Variants in ZNF385B observed in about 807,000 individuals in gnomAD.
ZNF385B encodes the protein zinc finger protein 385B, also known as zinc finger protein 533.
Under a neutral mutation model 39.2 loss-of-function variants are expected in ZNF385B, and 23 were observed. The ratio of observed to expected loss-of-function variants is 0.59; its 90% CI spans 0.42 to 0.83. The LOEUF (loss-of-function observed/expected upper bound fraction) is 0.83. ZNF385B is among the 40% of genes least tolerant of loss of function. ZNF385B has a pLI of 0.00. For missense variants in ZNF385B, 552 were observed against 598.9 expected, an observed-to-expected ratio of 0.92 and a Z score of 0.82; for synonymous variants, 205 against 222.6, an observed-to-expected ratio of 0.92 and a Z score of 0.70.
In ZNF385B at chr2:179,587,611, G is replaced by C. The variant is rs746122186; in HGVS notation, c.299-42642C>G. ...ACAAGCTGCATTTTAATAATGCAGA[G>C]ACTATCTCAGATGGAGGCTAATTTC... On this transcript the variant is annotated intron_variant, in intron 3 of 9. Transcript: ENST00000410066. Among the ~76,000 whole-genome samples, 3 of 152,308 alleles carry C rather than the reference G, an allele frequency of 2.0e-5. No individual in the cohort carries two copies. In the East Asian group the frequency reaches 5.8e-4, roughly 29 times the overall value.
intron 6 of ZNF385B, among the ~76,000 whole-genome samples, chr2:179,471,362 C>G (rs1335800406): frequency 6.6e-6 from 1 of 152,190 alleles, no homozygotes; most frequent in South Asian, 2.1e-4. Context: ...TCTTGTCACA[C>G]TAAACAGGAG....
intron 5 of ZNF385B, among the ~76,000 whole-genome samples, chr2:179,508,402 G>A (rs2057412866): frequency 6.6e-6 from 1 of 152,132 alleles, no homozygotes; most frequent in African/African-American, 2.4e-5. Context: ...TCCATACCAA[G>A]TAAAGAAGGA....
chr2:179,678,336 G>A (rs1697140919), intron 3 of ZNF385B, among the ~76,000 whole-genome samples: 1 of 152,162 alleles, frequency 6.6e-6, no homozygotes, highest in African/African-American at 2.4e-5. Context: ...TAGGTGCATG[G>A]CTACCTGGAA....
intron 3 of ZNF385B, among the ~76,000 whole-genome samples, chr2:179,681,316 T>A (rs1697492778): frequency 6.6e-6 from 1 of 152,170 alleles, no homozygotes; most frequent in Non-Finnish European, 1.5e-5. Context: ...CAGGTAGGAT[T>A]CTGTTTTGGA....
At chr2:179,806,320 C>A (rs950878662) in intron 1 of ZNF385B, among the ~76,000 whole-genome samples, 1 of 152,164 alleles carries the variant, frequency 6.6e-6, no homozygotes, top group African/African-American at 2.4e-5. Context: ...AGACAACATG[C>A]CCCTCAATTT....
intron 3 of ZNF385B, among the ~76,000 whole-genome samples, chr2:179,695,889 C>G (rs944594319): frequency 5.9e-5 from 9 of 152,008 alleles, no homozygotes; most frequent in African/African-American, 2.2e-4. Flanking sequence ...CATATGTATA[C>G]AAAATGTGGT....
At chr2:179,800,266 A>G (rs1705943848) in intron 1 of ZNF385B, among the ~76,000 whole-genome samples, 1 of 152,092 alleles carries the variant, frequency 6.6e-6, no homozygotes, top group South Asian at 2.1e-4. Flanking sequence ...ACTTTGTTAA[A>G]GAAAGAATAT....
chr2:179,788,478 G>A lies in ZNF385B; in HGVS notation c.-154-17806C>T, dbSNP rs1027227371. ...ATAGCAATTCCTGAGGCTCCCTTGA[G>A]AGTTCAGAACACCAGGTCAAGACTA... is the stretch of plus-strand genomic sequence containing the variant. On this transcript the variant is annotated intron_variant, in intron 1 of 9. Coordinates refer to ENST00000410066, the MANE Select transcript of ZNF385B (RefSeq NM_152520.6). Among the ~76,000 whole-genome samples, 8 of 152,264 alleles carry A rather than the reference G, an allele frequency of 5.3e-5. No homozygotes were observed. In the East Asian group the frequency reaches 1.5e-3, roughly 29 times the overall value.
rs56392185 is a variant in ZNF385B, at chr2:179,521,353, G to GTTTTTTTTTTTT, written c.442-2727_442-2716dup. Reference sequence around the variant, plus strand: ...AGGCACCCACCACCGCACCTGGCCAGTTTTTTTTTTTTTTTTTTGTATTTT... The same window carrying GTTTTTTTTTTTT: ...AGGCACCCACCACCGCACCTGGCCAGTTTTTTTTTTTTTTTTTTTTTTTTTTTTTTGTATTTT... On this transcript the variant is annotated intron_variant, in intron 4 of 9. Transcript: ENST00000410066. Among the ~76,000 whole-genome samples, 532 of 108,102 alleles carry GTTTTTTTTTTTT rather than the reference G, an allele frequency of 4.9e-3. 13 individuals are homozygous for GTTTTTTTTTTTT. The highest frequency in any genetic ancestry group is 8.7e-3 in the African/African-American group (241 of 27,830). The allele number at this position is 108,102 out of a possible 152,430, so 70.9% of individuals were successfully genotyped here.
Position 179,789,240 on chromosome 2 carries a change from T to C in ZNF385B, c.-154-18568A>G, listed in dbSNP as rs543344564. 1.5e-4 allele frequency among the ~76,000 whole-genome samples: 23 copies of C among 152,318 alleles called. 2 individuals carry two copies. In the East Asian group the frequency reaches 4.4e-3, roughly 29 times the overall value. ...GTTAAATCTACTCTAAAAATGTTCA[T>C]AAAGTACATTCCCCACTATTTTTAG... On this transcript the variant is annotated intron_variant, in intron 1 of 9. Transcript: ENST00000410066.
intron 6 of ZNF385B, among the ~76,000 whole-genome samples, chr2:179,469,305 T>C (rs1313096307): frequency 6.6e-6 from 1 of 152,146 alleles, no homozygotes; most frequent in East Asian, 1.9e-4. Flanking sequence ...AAAAATTAAA[T>C]CGCAAAAAAA....
intron 6 of ZNF385B, among the ~76,000 whole-genome samples, chr2:179,464,607 T>A (rs1231544717): frequency 6.6e-6 from 1 of 152,198 alleles, no homozygotes; most frequent in Non-Finnish European, 1.5e-5. Context: ...AAGTAGGGAA[T>A]CTTTTCCCCA....
At chr2:179,520,877 A>G (rs563956722) in intron 4 of ZNF385B, among the ~76,000 whole-genome samples, 1 of 152,356 alleles carries the variant, frequency 6.6e-6, no homozygotes, top group South Asian at 2.1e-4. Context: ...AAGTACACTT[A>G]AACAATAAAT....
intron 3 of ZNF385B, among the ~76,000 whole-genome samples, chr2:179,756,864 G>A (rs1001768869): frequency 7.2e-5 from 11 of 152,126 alleles, no homozygotes; most frequent in African/African-American, 1.4e-4. Context: ...AGCCATTTGT[G>A]TAATCTTTTT....
At chr2:179,505,837 G>T (rs1164346597) in intron 5 of ZNF385B, among the ~76,000 whole-genome samples, 5 of 152,018 alleles carry the variant, frequency 3.3e-5, no homozygotes, top group Non-Finnish European at 7.4e-5. Context: ...TAAAAAAACG[G>T]ACCAAAAATC....
chr2:179,693,044 T>G (rs552239217), intron 3 of ZNF385B, among the ~76,000 whole-genome samples: 1 of 152,370 alleles, frequency 6.6e-6, no homozygotes, highest in South Asian at 2.1e-4. Flanking sequence ...TCAAGAACTA[T>G]TAAATCAGAG....
At chr2:179,556,082 A>G (rs2060886119) in intron 3 of ZNF385B, among the ~76,000 whole-genome samples, 1 of 148,928 alleles carries the variant, frequency 6.7e-6, no homozygotes, top group African/African-American at 2.5e-5. Flanking sequence ...TGAATCTTTC[A>G]CCGAGATGCA....
chr2:179,795,477 G>A (rs1705602505), intron 1 of ZNF385B, among the ~76,000 whole-genome samples: 1 of 152,156 alleles, frequency 6.6e-6, no homozygotes, highest in African/African-American at 2.4e-5. Flanking sequence ...TGGGTGCACT[G>A]TGGTGTGTGC....
chr2:179,535,740 T>C (rs2059523846), intron 4 of ZNF385B, among the ~76,000 whole-genome samples: 1 of 152,218 alleles, frequency 6.6e-6, no homozygotes, highest in Non-Finnish European at 1.5e-5. Flanking sequence ...AAAGCAAATC[T>C]GTAAAAAGTG....
Sources: allele counts gnomAD v4.1 joint callset (sites outside exome capture counted in the v4.1 genomes callset), GRCh38; gene constraint gnomAD v4.1.1; transcripts MANE v1.5; gene names NCBI Gene and HGNC (gene_info 2026-07-23, HGNC 2026-07-21).